STAMBP: variants seen among roughly 807,000 people sequenced by gnomAD.
The protein encoded by STAMBP is STAM-binding protein.
Under a neutral mutation model 50.7 loss-of-function variants are expected in STAMBP, and 31 were observed. The observed-to-expected ratio is 0.61, with a 90% confidence interval of 0.46 to 0.83. The LOEUF is 0.83. Among genes scored for constraint, STAMBP ranks in the 40% least tolerant of loss-of-function variants. The pLI, the probability that STAMBP is intolerant of heterozygous loss-of-function variation, is 0.00. For synonymous variants in STAMBP, 211 were observed against 192.4 expected, an observed-to-expected ratio of 1.10 and a Z score of -0.80; for missense variants, 472 against 518.9, an observed-to-expected ratio of 0.91 and a Z score of 0.88.
intron 6 of STAMBP, among the ~76,000 whole-genome samples, chr2:73,849,734 T>C (rs1676570513): frequency 6.6e-6 from 1 of 152,196 alleles, no homozygotes; most frequent in Admixed American, 6.5e-5. Flanking sequence ...ATCCAGTCAT[T>C]ATCTACATAT....
At position 73,850,450 on chromosome 2, in the gene STAMBP, G is replaced by T. The variant is rs756308611; in HGVS notation, c.942G>T (p.Glu314Asp). ...QSAGSDYCNT[E>D]NEEELFLIQD... ...CTGGGTCTGATTACTGCAACACAGAGAACGAAGAAGAACTTTTCCTCATAC... is the reference window on the plus strand; with the variant it reads ...CTGGGTCTGATTACTGCAACACAGATAACGAAGAAGAACTTTTCCTCATAC... Residue 314 changes from glutamate (E) to aspartate (D), a missense_variant, in exon 7 of 10, where the codon GAG becomes GAT. Glu to Asp is a conservative substitution (Grantham distance 45). Transcript: ENST00000394070. This position sits in a 1 kb window ranked among gnomAD's most constrained non-coding sequence, Gnocchi z 4.3. 2.4e-5 allele frequency: 39 copies of T among 1,613,772 alleles called. No individual in the cohort carries two copies. Among genetic ancestry groups the T allele is most frequent in the Non-Finnish European group, 3.1e-5 (36 of 1,179,936 alleles).
chr2:73,871,856 C>T (rs1377226331), downstream of STAMBP, among the ~76,000 whole-genome samples: 3 of 152,132 alleles, frequency 2.0e-5, no homozygotes, highest in African/African-American at 7.2e-5. Flanking sequence ...CAACCTCTAC[C>T]TCCTGGGTTC....
chr2:73,867,695 A>G, downstream of STAMBP, among the ~76,000 whole-genome samples: 1 of 152,242 alleles, frequency 6.6e-6, no homozygotes, highest in Non-Finnish European at 1.5e-5. Flanking sequence ...AATTATACAG[A>G]GAAGGAAATT....
intron 2 of STAMBP, among the ~76,000 whole-genome samples, chr2:73,832,022 G>A (rs2104117491): frequency 6.8e-6 from 1 of 147,140 alleles, no homozygotes; most frequent in East Asian, 2.0e-4. Context: ...TGAGATCATA[G>A]TCATGAGCCA....
At chr2:73,830,361 C>T (rs1673747933) in intron 1 of STAMBP, among the ~76,000 whole-genome samples, 1 of 152,208 alleles carries the variant, frequency 6.6e-6, no homozygotes, top group Admixed American at 6.5e-5. Flanking sequence ...ATGTCAGTTA[C>T]TCTCAGATTA....
In STAMBP at chr2:73,850,597, C is replaced by A; in HGVS notation, c.1005+84C>A. Reference sequence around the variant, plus strand: ...ACATGAGTGTTTCTTTGAACAAAGTCAATTATATCCAGATTATTTATTGTT... The same window carrying A: ...ACATGAGTGTTTCTTTGAACAAAGTAAATTATATCCAGATTATTTATTGTT... On this transcript the variant is annotated intron_variant, in intron 7 of 9. Coordinates refer to ENST00000394070, the MANE Select transcript of STAMBP (RefSeq NM_213622.4). The surrounding 1 kb of genome is among the most constrained non-coding windows in gnomAD (Gnocchi z 4.3). 1.5e-6 allele frequency: 2 copies of A among 1,375,646 alleles called. No individual in the cohort carries two copies. Among genetic ancestry groups the A allele is most frequent in the South Asian group, 1.6e-5 (1 of 62,768 alleles). The allele number at this position is 1,375,646 out of a possible 1,614,324, so 85.2% of individuals were successfully genotyped here. A position where few individuals can be genotyped will look rare whatever the true frequency, so the allele number is the denominator to read the frequency against.
At chr2:73,844,763 A>G in intron 2 of STAMBP, 50 bp from the exon 3 acceptor site, 1 of 1,519,968 alleles carries the variant, frequency 6.6e-7, no homozygotes, top group Non-Finnish European at 9.1e-7. Context: ...TTAGGGTCTT[A>G]TGGACATTTG....
Position 73,849,440 on chromosome 2 carries a change from A to T in STAMBP, c.820A>T (p.Asn274Tyr). ...ACAGTTTCTCCAGTTAGCCAGTGCC[A>T]ACACTGCCCGGGGAGTGGAGACATG... ...CPQFLQLASANTARGVETCGI... is the reference protein window; with the variant it reads ...CPQFLQLASAYTARGVETCGI... Residue 274 changes from asparagine to tyrosine, a missense_variant, in exon 6 of 10, where the codon AAC becomes TAC. By Grantham distance (143) the Asn-to-Tyr change is moderately radical. Coordinates refer to ENST00000394070, the MANE Select transcript of STAMBP (RefSeq NM_213622.4). The T allele has an allele frequency of 6.2e-7, 1 of 1,613,782 alleles. No individual in the cohort carries two copies.
At chr2:73,838,106 G>A (rs556978895) in intron 2 of STAMBP, among the ~76,000 whole-genome samples, 4 of 152,326 alleles carry the variant, frequency 2.6e-5, no homozygotes, top group South Asian at 2.1e-4. Context: ...TAATTAGAAC[G>A]GGTAGAAAGG....
At chr2:73,830,097 G>C (rs1476891212) in intron 1 of STAMBP, among the ~76,000 whole-genome samples, 5 of 152,196 alleles carry the variant, frequency 3.3e-5, no homozygotes, top group Non-Finnish European at 7.3e-5. Flanking sequence ...AGAATTACTG[G>C]AGTTTTGGGA....
downstream of STAMBP, among the ~76,000 whole-genome samples, chr2:73,868,261 C>T (rs945999985): frequency 1.3e-5 from 2 of 151,784 alleles, no homozygotes; most frequent in Non-Finnish European, 2.9e-5. Context: ...AAATAGAACA[C>T]TAAAAAAATC....
chr2:73,847,327 C>T (rs765126641), intron 4 of STAMBP, 60 bp from the exon 5 acceptor site: 10 of 1,528,504 alleles, frequency 6.5e-6, no homozygotes, highest in African/African-American at 1.4e-5. Context: ...AAGCCTTGTT[C>T]TCCTGAAGTG....
chr2:73,831,736 T>C (rs1394515849), intron 2 of STAMBP, among the ~76,000 whole-genome samples: 1 of 152,206 alleles, frequency 6.6e-6, no homozygotes, highest in Non-Finnish European at 1.5e-5. Context: ...ATCAGGACTT[T>C]TTAAAAAATA....
intron 5 of STAMBP, 45 bp downstream of exon 5, chr2:73,847,798 A>G (rs1341801042): frequency 5.7e-6 from 9 of 1,580,496 alleles, no homozygotes; most frequent in Non-Finnish European, 7.7e-6. Context: ...GTTGCAGCCA[A>G]ACAGTATCAT....
intron 7 of STAMBP, among the ~76,000 whole-genome samples, chr2:73,857,991 CT>C (rs1322386262): frequency 2.0e-5 from 3 of 150,052 alleles, no homozygotes. Context: ...ATTTCTTTTT[CT>C]TTTTTTTTGA....
chr2:73,868,258 A>G (rs1416060116), downstream of STAMBP, among the ~76,000 whole-genome samples: 1 of 152,184 alleles, frequency 6.6e-6, no homozygotes, highest in Non-Finnish European at 1.5e-5. Flanking sequence ...TCTAAATAGA[A>G]CACTAAAAAA....
At chr2:73,861,229 T>TA (rs1350195668) in intron 9 of STAMBP, among the ~76,000 whole-genome samples, 2 of 152,218 alleles carry the variant, frequency 1.3e-5, no homozygotes, top group African/African-American at 2.4e-5. Flanking sequence ...ACATCATAGC[T>TA]AAAAAAACTG....
Position 73,844,816 on chromosome 2 carries a change from C to G in STAMBP, c.207C>G (p.Leu69=), listed in dbSNP as rs372148391. 1 of 1,613,688 alleles carries G rather than the reference C, an allele frequency of 6.2e-7. No homozygotes were observed. Among genetic ancestry groups the G allele is most frequent in the Non-Finnish European group, 8.5e-7 (1 of 1,179,694 alleles). Residue 69 remains leucine (L), a synonymous_variant, in exon 3 of 10, where the codon CTC becomes CTG. Coordinates refer to ENST00000394070, the MANE Select transcript of STAMBP (RefSeq NM_213622.4). ...AFILYNKYIT[L]FIEKLPKHRD... is the part of the protein sequence containing the mutation. The stretch of plus-strand genomic sequence containing the variant: ...TCATTTTGAACTGTTTCCTTAGGCT[C>G]TTTATTGAGAAACTACCAAAACATC...
At chr2:73,868,290 T>C (rs1243690876), downstream of STAMBP, among the ~76,000 whole-genome samples, 2 of 152,090 alleles carry the variant, frequency 1.3e-5, no homozygotes, top group African/African-American at 4.8e-5. Context: ...AGTAAAGGAA[T>C]AAAGTATCCT....
Sources: gnomAD v4.1 joint callset for allele counts (sites outside exome capture counted in the v4.1 genomes callset) on GRCh38, gnomAD v4.1.1 for gene constraint, Gnocchi (gnomAD v3.1) non-coding constraint, MANE v1.5 for transcripts, NCBI Gene and HGNC (gene_info 2026-07-23, HGNC 2026-07-21) for gene names.